The following CSMD1 variants were observed in gnomAD, a reference collection of about 807,000 sequenced individuals.
CSMD1 encodes CUB and Sushi multiple domains 1, also known as CUB and sushi domain-containing protein 1.
A neutral mutation model predicts 417.5 loss-of-function variants in CSMD1; 213 were observed. The ratio of observed to expected loss-of-function variants is 0.51; its 90% CI spans 0.46 to 0.57. CSMD1 has a LOEUF of 0.57. CSMD1 is among the 20% of genes least tolerant of loss of function. The pLI is 0.00. For missense variants in CSMD1, 6,923 were observed against 4,529.7 expected, an observed-to-expected ratio of 1.53 and a Z score of -15.17; for synonymous variants, 2,862 against 1,736.8, an observed-to-expected ratio of 1.65 and a Z score of -16.11.
intron 3 of CSMD1, among the ~76,000 whole-genome samples, chr8:4,265,932 T>C (rs542570693): frequency 2.9e-5 from 3 of 103,964 alleles, no homozygotes; most frequent in African/African-American, 7.9e-5. Flanking sequence ...TTTCCCCCCA[T>C]TGCCCAGGAG....
intron 2 of CSMD1, among the ~76,000 whole-genome samples, chr8:4,521,574 T>C (rs7833116): frequency 0.011 from 1,628 of 152,320 alleles, 21 homozygotes; most frequent in African/African-American, 0.038. Flanking sequence ...TAATGCTTTT[T>C]ATTTCATTGA....
chr8:4,583,102 A>T (rs1413981795), intron 2 of CSMD1, among the ~76,000 whole-genome samples: 1 of 152,144 alleles, frequency 6.6e-6, no homozygotes, highest in East Asian at 1.9e-4. Flanking sequence ...GCCGTGCCTG[A>T]GCCTCCCACC....
chr8:4,226,414 A>G (rs774351068), intron 3 of CSMD1, among the ~76,000 whole-genome samples: 19 of 152,216 alleles, frequency 1.2e-4, no homozygotes, highest in Admixed American at 1.2e-3. Context: ...GAAATAAAAC[A>G]TAACATGCAG....
At chr8:4,799,278 TC>T (rs1374915797) in intron 1 of CSMD1, among the ~76,000 whole-genome samples, 1 of 152,076 alleles carries the variant, frequency 6.6e-6, no homozygotes, top group African/African-American at 2.4e-5. Flanking sequence ...AAAGGAATGA[TC>T]AATTGGTAAA....
chr8:3,145,410 A>G (rs531616967), intron 40 of CSMD1, among the ~76,000 whole-genome samples: 415 of 152,346 alleles, frequency 2.7e-3, no homozygotes, highest in Non-Finnish European at 3.9e-3. Context: ...GTCACGAAAC[A>G]TAACAACTTG....
chr8:3,296,530 A>C (rs972349373), intron 25 of CSMD1, among the ~76,000 whole-genome samples: 1 of 152,162 alleles, frequency 6.6e-6, no homozygotes, highest in African/African-American at 2.4e-5. Flanking sequence ...CAACAATTTA[A>C]AGAACTGGCC....
At chr8:4,106,130 T>C (rs1159142557) in intron 3 of CSMD1, among the ~76,000 whole-genome samples, 2 of 152,100 alleles carry the variant, frequency 1.3e-5, no homozygotes, top group Non-Finnish European at 2.9e-5. Context: ...AAAGTGACCA[T>C]CGATTTATTA....
chr8:3,387,034 C>A (rs754249975), intron 18 of CSMD1, among the ~76,000 whole-genome samples: 40 of 152,136 alleles, frequency 2.6e-4, no homozygotes, highest in Non-Finnish European at 5.1e-4. Context: ...CTCCTGACAG[C>A]TTCTGAGCTC....
At chr8:2,959,239 G>C (rs192053811) in intron 62 of CSMD1, among the ~76,000 whole-genome samples, 102 of 152,288 alleles carry the variant, frequency 6.7e-4, no homozygotes, top group Non-Finnish European at 1.1e-3. Flanking sequence ...GCACAGCTGT[G>C]ACAACAGGTG....
At chr8:4,669,546 T>G (rs1805162429) in intron 1 of CSMD1, among the ~76,000 whole-genome samples, 1 of 152,188 alleles carries the variant, frequency 6.6e-6, no homozygotes, top group Non-Finnish European at 1.5e-5. Flanking sequence ...AATGAGAATT[T>G]TCAGAGATTT....
intron 3 of CSMD1, among the ~76,000 whole-genome samples, chr8:4,362,906 G>C (rs1027473890): frequency 3.9e-5 from 6 of 152,172 alleles, no homozygotes; most frequent in African/African-American, 1.4e-4. Flanking sequence ...TTAATTAAAT[G>C]TAAAAGATTA....
chr8:4,054,614 TC>T (rs1468499605), intron 3 of CSMD1, among the ~76,000 whole-genome samples: 6 of 152,122 alleles, frequency 3.9e-5, no homozygotes, highest in African/African-American at 1.4e-4. Flanking sequence ...TTAGCTTATT[TC>T]CCCATCGGAC....
At chr8:4,058,401 C>T (rs552826338) in intron 3 of CSMD1, among the ~76,000 whole-genome samples, 1 of 152,226 alleles carries the variant, frequency 6.6e-6, no homozygotes, top group African/African-American at 2.4e-5. Context: ...TCAGACTTTG[C>T]TGAAGATGCT....
At chr8:4,179,104 G>C (rs1798213106) in intron 3 of CSMD1, among the ~76,000 whole-genome samples, 3 of 152,080 alleles carry the variant, frequency 2.0e-5, no homozygotes, top group South Asian at 2.1e-4. Flanking sequence ...AAACAAAAAA[G>C]AGCCCGCATC....
At position 4,123,014 on chromosome 8, in the gene CSMD1, A is replaced by G. The variant is rs550417594; in HGVS notation, c.416-90915T>C. ...ACGTGCCACTGAGCTTCCAGCTTTG[A>G]CAAATTACAATCAGAGACTGGAATT... is the stretch of plus-strand genomic sequence containing the variant. On this transcript the variant is annotated intron_variant, in intron 3 of 69. Transcript: ENST00000635120. Among the ~76,000 whole-genome samples, 6 of 152,360 alleles carry G rather than the reference A, an allele frequency of 3.9e-5. No individual in the cohort carries two copies. The East Asian group carries it at 1.2e-3, about 29-fold the overall frequency.
intron 10 of CSMD1, among the ~76,000 whole-genome samples, chr8:3,562,616 A>T (rs1439978273): frequency 6.6e-6 from 1 of 152,060 alleles, no homozygotes; most frequent in African/African-American, 2.4e-5. Flanking sequence ...ATTTCTAGAA[A>T]TTTTTCTGAA....
intron 36 of CSMD1, chr8:3,182,841 G>GGGGTGGGTGTGTGTGTGT (rs768081848): frequency 1.7e-4 from 2 of 11,470 alleles, no homozygotes; most frequent in Non-Finnish European, 3.4e-4. Flanking sequence ...TTTATAAGAA[G>GGGGTGGGTGTGTGTGTGT]GTGTGTGTGT....
At chr8:4,271,074 G>GA (rs1433196063) in intron 3 of CSMD1, among the ~76,000 whole-genome samples, 1 of 152,158 alleles carries the variant, frequency 6.6e-6, no homozygotes, top group African/African-American at 2.4e-5. Flanking sequence ...AGAAAGTTCA[G>GA]AATGTTGAAG....
intron 3 of CSMD1, among the ~76,000 whole-genome samples, chr8:4,120,094 G>A (rs35664516): frequency 6.6e-6 from 1 of 152,036 alleles, no homozygotes; most frequent in Admixed American, 6.5e-5. Context: ...AAATGCTTGA[G>A]GGGATGGACA....
Sources: allele counts gnomAD v4.1 joint callset (sites outside exome capture counted in the v4.1 genomes callset), GRCh38; gene constraint gnomAD v4.1.1; transcripts MANE v1.5; gene names NCBI Gene and HGNC (gene_info 2026-07-23, HGNC 2026-07-21).